HAPLN1: variants seen among roughly 807,000 people sequenced by gnomAD.
HAPLN1 encodes the protein hyaluronan and proteoglycan link protein 1.
In HAPLN1, 13 loss-of-function variants were observed where a neutral mutation model predicts 36.5. That is an observed-to-expected ratio of 0.36 (90% CI 0.23 to 0.57). HAPLN1 has a LOEUF of 0.57. Ranked by LOEUF, HAPLN1 falls within the 20% of genes least tolerant of loss-of-function variation. The pLI, the probability that HAPLN1 is intolerant of heterozygous loss-of-function variation, is 0.83. For missense variants in HAPLN1, 407 were observed against 439.7 expected, an observed-to-expected ratio of 0.93 and a Z score of 0.66; for synonymous variants, 202 against 169.8, an observed-to-expected ratio of 1.19 and a Z score of -1.48.
chr5:83,651,062 T>C (rs1371981047), intron 3 of HAPLN1, among the ~76,000 whole-genome samples: 2 of 152,200 alleles, frequency 1.3e-5, no homozygotes, highest in African/African-American at 2.4e-5. Flanking sequence ...GGTTTCTTTT[T>C]ATTTAGAGTT....
At chr5:83,681,896 T>C (rs542152468) in intron 1 of HAPLN1, among the ~76,000 whole-genome samples, 2 of 152,356 alleles carry the variant, frequency 1.3e-5, no homozygotes, top group South Asian at 4.1e-4. Flanking sequence ...GTTTAGACTC[T>C]TGTGCTCATA....
intron 1 of HAPLN1, among the ~76,000 whole-genome samples, chr5:83,714,652 TG>T (rs1203709225): frequency 2.0e-5 from 3 of 152,250 alleles, no homozygotes; most frequent in Admixed American, 6.5e-5. Context: ...GGCTGATTCC[TG>T]TGCTTCTCCT....
At position 83,656,099 on chromosome 5, in the gene HAPLN1, G is replaced by A. The variant is rs139156450; in HGVS notation, c.101-3275C>T. On this transcript the variant is annotated intron_variant, in intron 2 of 4. Coordinates refer to ENST00000274341, the MANE Select transcript of HAPLN1 (RefSeq NM_001884.4). ...TCCCAGCACTTTGGGAGGCTGAGGT[G>A]GGCAGATCACTTGAGGTCAGGAGTT... is the stretch of plus-strand genomic sequence containing the variant. Among the ~76,000 whole-genome samples the A allele has an allele frequency of 4.6e-5, 7 of 152,102 alleles. No homozygotes were observed. The East Asian group carries it at 1.4e-3, about 29-fold the overall frequency.
chr5:83,708,251 T>C (rs1561324851), intron 1 of HAPLN1, among the ~76,000 whole-genome samples: 2 of 152,286 alleles, frequency 1.3e-5, no homozygotes, highest in Admixed American at 6.5e-5. Flanking sequence ...ACCATAAAGA[T>C]ACCTGCACAC....
rs530534577 is a variant in HAPLN1 at position 83,696,836 on chromosome 5, GC to G, written c.-26-23288del. Among the ~76,000 whole-genome samples the G allele has an allele frequency of 2.0e-4, 30 of 152,120 alleles. No homozygotes were observed. In the South Asian group the frequency reaches 6.2e-3, roughly 32 times the overall value. ...ACTTACATTTCTCCTTTTGTGAATT[GC>G]CATATTTTAACTGTTGCCTATTAGT... On this transcript the variant is annotated intron_variant, in intron 1 of 4. Coordinates refer to ENST00000274341, the MANE Select transcript of HAPLN1 (RefSeq NM_001884.4).
At position 83,652,371 on chromosome 5, in the gene HAPLN1, A is replaced by G. The variant is rs1029395978; in HGVS notation, c.472+82T>C. 7.2e-6 allele frequency: 10 copies of G among 1,391,590 alleles called. No homozygotes were observed. The African/African-American group carries it at 1.3e-4, about 18-fold the overall frequency. 86.2% of individuals were successfully genotyped at this position (1,391,590 alleles called of 1,614,324 possible). On this transcript the variant is annotated intron_variant, in intron 3 of 4. Transcript: ENST00000274341. ...GGTTTTTCACTTTATTACTGTGTTA[A>G]CCACTAGACATTACTCTTCATGAAA...
intron 2 of HAPLN1, among the ~76,000 whole-genome samples, chr5:83,666,906 A>G (rs1437035649): frequency 6.6e-6 from 1 of 152,178 alleles, no homozygotes; most frequent in Non-Finnish European, 1.5e-5. Flanking sequence ...TGTTTTCTCA[A>G]AAGGACACAC....
intron 3 of HAPLN1, among the ~76,000 whole-genome samples, chr5:83,647,395 T>G (rs1326922977): frequency 6.6e-6 from 1 of 152,198 alleles, no homozygotes; most frequent in Non-Finnish European, 1.5e-5. Flanking sequence ...AAGGTAAAGC[T>G]CTATGCTTTA....
rs543475792 is a variant in HAPLN1 at position 83,690,081 on chromosome 5, A to G, written c.-26-16532T>C. Reference sequence around the variant, plus strand: ...AGAAGTTTCAACTAATTGAGGAGGCAATCTTCAGTTTACTTAAATAGGAAG... The same window carrying G: ...AGAAGTTTCAACTAATTGAGGAGGCGATCTTCAGTTTACTTAAATAGGAAG... On this transcript the variant is annotated intron_variant, in intron 1 of 4. Transcript: ENST00000274341. Among the ~76,000 whole-genome samples, 24 of 152,142 alleles carry G rather than the reference A, an allele frequency of 1.6e-4. 1 individual carries two copies. The South Asian group carries it at 4.4e-3, about 28-fold the overall frequency.
intron 2 of HAPLN1, among the ~76,000 whole-genome samples, 187 bp from the exon 3 acceptor site, chr5:83,653,011 G>A (rs1362171285): frequency 6.6e-6 from 1 of 152,058 alleles, no homozygotes; most frequent in Non-Finnish European, 1.5e-5. Flanking sequence ...TATCTCTAAA[G>A]TAGTCATTTT....
At chr5:83,679,327 G>A (rs1272680986) in intron 1 of HAPLN1, among the ~76,000 whole-genome samples, 2 of 152,116 alleles carry the variant, frequency 1.3e-5, no homozygotes, top group Non-Finnish European at 2.9e-5. Context: ...TAAAACATGG[G>A]AGGCTGAACT....
intron 1 of HAPLN1, among the ~76,000 whole-genome samples, chr5:83,696,393 C>G (rs912860928): frequency 1.2e-4 from 18 of 151,876 alleles, no homozygotes; most frequent in African/African-American, 4.1e-4. Context: ...TAGAAAGGTA[C>G]AAGGTAATTT....
chr5:83,705,035 AG>A (rs1751605841), intron 1 of HAPLN1, among the ~76,000 whole-genome samples: 1 of 152,234 alleles, frequency 6.6e-6, no homozygotes. Flanking sequence ...ATGCAAAAGA[AG>A]CAAAATCATA....
chr5:83,699,804 A>G (rs1201785657), intron 1 of HAPLN1, among the ~76,000 whole-genome samples: 1 of 152,228 alleles, frequency 6.6e-6, no homozygotes, highest in Non-Finnish European at 1.5e-5. Flanking sequence ...CTTAACAACC[A>G]ATTATACTAT....
intron 2 of HAPLN1, among the ~76,000 whole-genome samples, chr5:83,653,545 ACTT>A (rs1750134541): frequency 6.6e-6 from 1 of 152,234 alleles, no homozygotes; most frequent in Non-Finnish European, 1.5e-5. Context: ...CCAAAGTTAT[ACTT>A]CTTTTCTGAT....
At chr5:83,659,453 G>A (rs536113887) in intron 2 of HAPLN1, among the ~76,000 whole-genome samples, 2 of 152,266 alleles carry the variant, frequency 1.3e-5, no homozygotes, top group East Asian at 3.9e-4. Context: ...GAAACTAACA[G>A]CCTTGGTAGA....
chr5:83,671,273 T>C (rs144867858), intron 2 of HAPLN1, among the ~76,000 whole-genome samples: 31 of 152,248 alleles, frequency 2.0e-4, no homozygotes, highest in African/African-American at 7.5e-4. Flanking sequence ...GAGAGAGTAA[T>C]GATATTTTTA....
intron 1 of HAPLN1, among the ~76,000 whole-genome samples, chr5:83,705,244 G>T (rs184425959): frequency 6.6e-6 from 1 of 152,100 alleles, no homozygotes; most frequent in East Asian, 1.9e-4. Context: ...ACAAAAATTA[G>T]CTGGGCATGG....
At chr5:83,649,255 A>T (rs1749975449) in intron 3 of HAPLN1, among the ~76,000 whole-genome samples, 1 of 152,152 alleles carries the variant, frequency 6.6e-6, no homozygotes, top group Non-Finnish European at 1.5e-5. Flanking sequence ...AAACATTCTT[A>T]TCCCACCCTG....
Sources: gnomAD v4.1 joint callset for allele counts (sites outside exome capture counted in the v4.1 genomes callset) on GRCh38, gnomAD v4.1.1 for gene constraint, MANE v1.5 for transcripts, NCBI Gene and HGNC (gene_info 2026-07-23, HGNC 2026-07-21) for gene names.